Variants in KLHL32 observed in about 807,000 individuals in gnomAD.
The protein encoded by KLHL32 is kelch like family member 32.
In KLHL32, 35 loss-of-function variants were observed where a neutral mutation model predicts 64.8. That is an observed-to-expected ratio of 0.54 (90% CI 0.41 to 0.72). The LOEUF (loss-of-function observed/expected upper bound fraction) is 0.72, where lower values mean the gene tolerates loss of function less well. KLHL32 is among the 30% of genes least tolerant of loss of function. KLHL32 has a pLI of 0.00. For synonymous variants in KLHL32, 259 were observed against 281.0 expected, an observed-to-expected ratio of 0.92 and a Z score of 0.78; for missense variants, 589 against 768.5, an observed-to-expected ratio of 0.77 and a Z score of 2.76.
At chr6:97,003,493 G>GTCA (rs1779295064) in intron 3 of KLHL32, among the ~76,000 whole-genome samples, 3 of 152,054 alleles carry the variant, frequency 2.0e-5, no homozygotes. Flanking sequence ...AAGCTATTTA[G>GTCA]TTTAATTAGT....
At chr6:97,035,753 T>C (rs1012799012) in intron 3 of KLHL32, among the ~76,000 whole-genome samples, 2 of 152,188 alleles carry the variant, frequency 1.3e-5, no homozygotes, top group Non-Finnish European at 2.9e-5. Context: ...CTTTTGCTTC[T>C]TTCAAAATTC....
At chr6:96,979,149 G>A (rs780586145) in intron 3 of KLHL32, among the ~76,000 whole-genome samples, 18 of 151,926 alleles carry the variant, frequency 1.2e-4, no homozygotes, top group Non-Finnish European at 2.4e-4. Flanking sequence ...GTTTAATTAG[G>A]TCCCATTTGT....
chr6:97,065,845 C>T (rs547610076), intron 5 of KLHL32, among the ~76,000 whole-genome samples: 1 of 152,206 alleles, frequency 6.6e-6, no homozygotes, highest in Admixed American at 6.5e-5. Flanking sequence ...TCCCAGCAAC[C>T]CTGGAAAATA....
Position 97,119,701 on chromosome 6 carries a change from G to A in KLHL32, c.1354+5192G>A, listed in dbSNP as rs575344671. Among the ~76,000 whole-genome samples the A allele has an allele frequency of 3.3e-5, 5 of 152,250 alleles. No homozygotes were observed. In the East Asian group the frequency reaches 7.7e-4, roughly 24 times the overall value. ...GCATATTTTCTAAACTTCATTCCCC[G>A]AATCTGAGCTTATCAGACAACTTTC... On this transcript the variant is annotated intron_variant, in intron 7 of 10. Coordinates refer to ENST00000369261, the MANE Select transcript of KLHL32 (RefSeq NM_052904.4).
At chr6:97,089,975 G>A (rs566410489) in intron 6 of KLHL32, among the ~76,000 whole-genome samples, 2 of 152,126 alleles carry the variant, frequency 1.3e-5, no homozygotes, top group East Asian at 3.9e-4. Flanking sequence ...TATTAGGTTG[G>A]TGCAAAAGTA....
At chr6:96,915,235 T>A in the KLHL32 span, among the ~76,000 whole-genome samples, 2 of 152,204 alleles carry the variant, frequency 1.3e-5, no homozygotes, top group Admixed American at 1.3e-4. Flanking sequence ...TCCTGCTTCT[T>A]AACTCATATC....
At chr6:96,936,721 G>T (rs1338950497) in intron 1 of KLHL32, among the ~76,000 whole-genome samples, 1 of 152,156 alleles carries the variant, frequency 6.6e-6, no homozygotes, top group Admixed American at 6.5e-5. Flanking sequence ...CCTGAATGAG[G>T]CTATATTTCT....
At chr6:97,031,370 C>G (rs1179102940) in intron 3 of KLHL32, among the ~76,000 whole-genome samples, 1 of 151,180 alleles carries the variant, frequency 6.6e-6, no homozygotes, top group African/African-American at 2.4e-5. Flanking sequence ...GAGTCTCACT[C>G]TTTTGCCCAA....
At chr6:96,967,559 A>C (rs1193089108) in intron 2 of KLHL32, among the ~76,000 whole-genome samples, 1 of 151,974 alleles carries the variant, frequency 6.6e-6, no homozygotes, top group African/African-American at 2.4e-5. Flanking sequence ...GGGGAGTACA[A>C]TGCTTATTCT....
intron 3 of KLHL32, among the ~76,000 whole-genome samples, chr6:97,007,988 C>T (rs1779879506): frequency 6.6e-6 from 1 of 152,208 alleles, no homozygotes; most frequent in Admixed American, 6.5e-5. Context: ...CAGCAATGCT[C>T]AGTGTGTATG....
chr6:97,092,783 G>A (rs1038333700), intron 6 of KLHL32, among the ~76,000 whole-genome samples: 2 of 152,190 alleles, frequency 1.3e-5, no homozygotes, highest in Non-Finnish European at 2.9e-5. Flanking sequence ...TTTGTCTGGG[G>A]TATATGCCTT....
At chr6:97,009,524 G>A (rs766496525) in intron 3 of KLHL32, among the ~76,000 whole-genome samples, 162 of 152,246 alleles carry the variant, frequency 1.1e-3, no homozygotes, top group Non-Finnish European at 1.9e-3. Context: ...GAAATGTTTG[G>A]AAAGTTGTGT....
intron 1 of KLHL32, among the ~76,000 whole-genome samples, chr6:96,942,228 G>T (rs1771380665): frequency 6.6e-6 from 1 of 152,118 alleles, no homozygotes; most frequent in Admixed American, 6.5e-5. Flanking sequence ...CACTTGTCTG[G>T]GTCAGTCCAG....
intron 3 of KLHL32, among the ~76,000 whole-genome samples, chr6:97,020,063 C>T (rs1040405947): frequency 1.3e-5 from 2 of 151,788 alleles, no homozygotes; most frequent in Non-Finnish European, 2.9e-5. Flanking sequence ...CTGCCTCAGC[C>T]TGCCAAGTAA....
the KLHL32 span, among the ~76,000 whole-genome samples, chr6:96,916,288 C>A: frequency 6.3e-3 from 952 of 152,274 alleles, 13 homozygotes; most frequent in African/African-American, 0.022. Flanking sequence ...TAGGCACATA[C>A]TCCTAAGTTA....
chr6:97,050,410 G>T (rs1448497192), intron 4 of KLHL32, among the ~76,000 whole-genome samples: 1 of 152,094 alleles, frequency 6.6e-6, no homozygotes, highest in African/African-American at 2.4e-5. Context: ...TGCAAAAATG[G>T]CTTGAGAGAG....
At chr6:97,052,327 G>C (rs1475773428) in intron 4 of KLHL32, among the ~76,000 whole-genome samples, 1 of 152,146 alleles carries the variant, frequency 6.6e-6, no homozygotes, top group Non-Finnish European at 1.5e-5. Flanking sequence ...ATCCCAGGTG[G>C]CATGTGACAT....
In KLHL32 at chr6:97,140,443, A is replaced by ACTAT. The variant is rs1377812866; in HGVS notation, c.*1164_*1167dup. 5 of 152,066 alleles carry ACTAT rather than the reference A, an allele frequency of 3.3e-5. No homozygotes were observed. Among genetic ancestry groups the ACTAT allele is most frequent in the South Asian group, 2.1e-4 (1 of 4,830 alleles). 9.4% of individuals were successfully genotyped at this position (152,066 alleles called of 1,614,324 possible). The stretch of plus-strand genomic sequence containing the variant: ...CTTCACCACCAATACATATTTTATT[A>ACTAT]CTATCTCTTTTAATAATGCATAGGA... On this transcript the variant is annotated 3_prime_UTR_variant, in exon 11 of 11. Transcript: ENST00000369261.
chr6:96,972,307 A>G (rs974408774), intron 2 of KLHL32, among the ~76,000 whole-genome samples: 1 of 152,150 alleles, frequency 6.6e-6, no homozygotes, highest in Non-Finnish European at 1.5e-5. Context: ...TTTTATATGT[A>G]TGGTACATCT....
Sources: allele counts gnomAD v4.1 joint callset (sites outside exome capture counted in the v4.1 genomes callset), GRCh38; gene constraint gnomAD v4.1.1; transcripts MANE v1.5; gene names NCBI Gene and HGNC (gene_info 2026-07-23, HGNC 2026-07-21).